Variants in DOCK3 observed in about 807,000 individuals in gnomAD.
DOCK3 encodes the protein dedicator of cytokinesis 3, also known as dedicator of cytokinesis protein 3.
In DOCK3, 60 loss-of-function variants were observed where a neutral mutation model predicts 265.6. That is an observed-to-expected ratio of 0.23 (90% confidence interval 0.18 to 0.28). DOCK3 has a LOEUF of 0.28. Ranked by LOEUF, DOCK3 falls within the 10% of genes least tolerant of loss-of-function variation. DOCK3 has a pLI of 1.00. For synonymous variants in DOCK3, 881 were observed against 938.0 expected, an observed-to-expected ratio of 0.94 and a Z score of 1.11; for missense variants, 1,981 against 2,594.3, an observed-to-expected ratio of 0.76 and a Z score of 5.14.
At chr3:51,182,170 C>T (rs2087336976) in intron 12 of DOCK3, among the ~76,000 whole-genome samples, 1 of 152,076 alleles carries the variant, frequency 6.6e-6, no homozygotes, top group African/African-American at 2.4e-5. Context: ...AGTTAAACTG[C>T]CTATGTTTGA....
chr3:51,012,901 C>T (rs1469153805), intron 5 of DOCK3, among the ~76,000 whole-genome samples: 3 of 152,072 alleles, frequency 2.0e-5, no homozygotes, highest in Non-Finnish European at 2.9e-5. Context: ...TTCATTTGAT[C>T]TTCAATCACT....
intron 12 of DOCK3, among the ~76,000 whole-genome samples, chr3:51,204,968 G>A (rs2089083350): frequency 6.6e-6 from 1 of 151,782 alleles, no homozygotes; most frequent in Non-Finnish European, 1.5e-5. Context: ...TTGAACAATG[G>A]GAACACATGG....
intron 33 of DOCK3, among the ~76,000 whole-genome samples, chr3:51,332,742 G>T (rs1020698483): frequency 1.3e-5 from 2 of 152,202 alleles, no homozygotes; most frequent in Admixed American, 6.5e-5. Context: ...GATAAAGACA[G>T]TCAGCCATTG....
chr3:51,337,066 C>G (rs953143043), intron 35 of DOCK3, among the ~76,000 whole-genome samples: 1 of 152,170 alleles, frequency 6.6e-6, no homozygotes, highest in African/African-American at 2.4e-5. Flanking sequence ...GAGGGATGTT[C>G]AGGACCCTCA....
intron 22 of DOCK3, among the ~76,000 whole-genome samples, chr3:51,257,853 G>A (rs761558069): frequency 2.6e-5 from 4 of 152,050 alleles, no homozygotes; most frequent in Admixed American, 6.6e-5. Flanking sequence ...CCTCTGCCCC[G>A]CTCTCCTTCC....
chr3:50,818,525 C>G (rs1040742048), intron 2 of DOCK3, among the ~76,000 whole-genome samples: 1 of 152,190 alleles, frequency 6.6e-6, no homozygotes, highest in African/African-American at 2.4e-5. Flanking sequence ...GTTATAGTTC[C>G]TCTGTCTGCC....
At chr3:51,352,585 C>T (rs566234969) in intron 40 of DOCK3, among the ~76,000 whole-genome samples, 7 of 152,342 alleles carry the variant, frequency 4.6e-5, no homozygotes, top group African/African-American at 1.4e-4. Flanking sequence ...GAAATATCAC[C>T]CATCAATCGA....
intron 1 of DOCK3, among the ~76,000 whole-genome samples, chr3:50,715,903 T>G (rs1363875599): frequency 2.0e-5 from 3 of 152,188 alleles, no homozygotes; most frequent in Non-Finnish European, 4.4e-5. Flanking sequence ...TTTCTAAAAA[T>G]GTATTATTTA....
intron 7 of DOCK3, among the ~76,000 whole-genome samples, chr3:51,080,797 T>A (rs2082207265): frequency 6.6e-6 from 1 of 152,194 alleles, no homozygotes; most frequent in African/African-American, 2.4e-5. Flanking sequence ...TTAGTGTAGC[T>A]CCTGGATATA....
At chr3:51,123,270 C>A (rs1420338406) in intron 9 of DOCK3, among the ~76,000 whole-genome samples, 1 of 152,202 alleles carries the variant, frequency 6.6e-6, no homozygotes, top group Non-Finnish European at 1.5e-5. Flanking sequence ...CCTCTGAGAT[C>A]TGTCCTTGTC....
intron 9 of DOCK3, among the ~76,000 whole-genome samples, chr3:51,093,437 G>A (rs2082711683): frequency 6.6e-6 from 1 of 152,082 alleles, no homozygotes; most frequent in Admixed American, 6.5e-5. Flanking sequence ...TATTGTCTTT[G>A]TAGCAATTGT....
At chr3:50,733,294 G>A (rs1209726456) in intron 1 of DOCK3, among the ~76,000 whole-genome samples, 2 of 152,066 alleles carry the variant, frequency 1.3e-5, no homozygotes, top group African/African-American at 4.8e-5. Flanking sequence ...TTTTGGTCTG[G>A]ATGGTCTGTC....
intron 9 of DOCK3, among the ~76,000 whole-genome samples, chr3:51,118,122 G>A (rs2083827930): frequency 6.6e-6 from 1 of 152,102 alleles, no homozygotes; most frequent in Admixed American, 6.5e-5. Flanking sequence ...TCTAAACACT[G>A]CTTTAGCTGT....
chr3:50,886,127 C>T (rs1336887025), intron 3 of DOCK3, among the ~76,000 whole-genome samples: 1 of 150,938 alleles, frequency 6.6e-6, no homozygotes, highest in Non-Finnish European at 1.5e-5. Context: ...TTGTGTCTCC[C>T]ACATTCCCTA....
rs1156525046 is a variant in DOCK3 at position 51,310,260 on chromosome 3, T to C, written c.2951T>C (p.Phe984Ser). The C allele has an allele frequency of 6.2e-7, 1 of 1,605,234 alleles. No individual in the cohort carries two copies. Among genetic ancestry groups the C allele is most frequent in the Admixed American group, 1.7e-5 (1 of 58,740 alleles). ...KEFLLKIFCV[F>S]RNLMKMSVFP... The stretch of plus-strand genomic sequence containing the variant: ...TTTCTGCTGAAGATTTTTTGCGTGT[T>C]CCGGAACCTGATGAAGATGAGTGTC... The change falls in exon 28 of 53, where the codon TTC (phenylalanine) becomes TCC (serine). Residue 984 changes from phenylalanine to serine, a missense_variant. By Grantham distance (155) the Phe-to-Ser change is radical (BLOSUM62 -2). Coordinates refer to ENST00000266037, the MANE Select transcript of DOCK3 (RefSeq NM_004947.5).
intron 3 of DOCK3, among the ~76,000 whole-genome samples, chr3:50,857,846 C>A (rs2046681509): frequency 6.6e-6 from 1 of 152,196 alleles, no homozygotes; most frequent in Admixed American, 6.5e-5. Flanking sequence ...TAAACTAGTT[C>A]AACCATTGTG....
chr3:50,946,997 G>A (rs1459261113), intron 5 of DOCK3, among the ~76,000 whole-genome samples: 1 of 152,044 alleles, frequency 6.6e-6, no homozygotes, highest in African/African-American at 2.4e-5. Context: ...GTTAAATCCT[G>A]TTAACAACAG....
chr3:51,037,283 C>T (rs2080306859), intron 5 of DOCK3, among the ~76,000 whole-genome samples: 1 of 151,916 alleles, frequency 6.6e-6, no homozygotes, highest in Non-Finnish European at 1.5e-5. Flanking sequence ...ACTGAAATGA[C>T]CATTATCTTT....
At chr3:51,248,808 C>T (rs1404834888) in intron 22 of DOCK3, among the ~76,000 whole-genome samples, 4 of 150,456 alleles carry the variant, frequency 2.7e-5, no homozygotes, top group African/African-American at 9.8e-5. Context: ...GCCCGGCCGC[C>T]CATCGTCTGG....
Sources: allele counts gnomAD v4.1 joint callset (sites outside exome capture counted in the v4.1 genomes callset), GRCh38; gene constraint gnomAD v4.1.1; transcripts MANE v1.5; gene names NCBI Gene and HGNC (gene_info 2026-07-23, HGNC 2026-07-21).